HNF1B: variants seen among roughly 807,000 people sequenced by gnomAD.
HNF1B encodes hepatocyte nuclear factor 1-beta.
Under a neutral mutation model 61.7 loss-of-function variants are expected in HNF1B, and 8 were observed. That is an observed-to-expected ratio of 0.13 (90% CI 0.08 to 0.23). HNF1B has a LOEUF of 0.23. HNF1B is among the 10% of genes least tolerant of loss of function. The pLI, the probability that HNF1B is intolerant of heterozygous loss-of-function variation, is 1.00. For synonymous variants in HNF1B, 314 were observed against 287.7 expected, an observed-to-expected ratio of 1.09 and a Z score of -0.93; for missense variants, 562 against 714.5, an observed-to-expected ratio of 0.79 and a Z score of 2.43.
rs1166825540 is a variant in HNF1B, at chr17:37,710,629, G to A, written c.1080C>T (p.Ile360=). Residue 360 remains isoleucine (I), a synonymous_variant, in exon 5 of 9, where the codon ATC becomes ATT. Coordinates refer to ENST00000617811, the MANE Select transcript of HNF1B (RefSeq NM_000458.4). ...GGTGACTGATTGTTGAGGAGGAAGT[G>A]ATCTCATTGTTTCCCTGCTGGCTGT... ...VRYSQQGNNE[I]TSSSTISHHG... The A allele has an allele frequency of 3.1e-6, 5 of 1,613,988 alleles. No individual in the cohort carries two copies. The highest frequency in any genetic ancestry group is 4.2e-6 in the Non-Finnish European group (5 of 1,180,006).
At chr17:37,688,421 A>ACACACACACACT (rs1491325033) in intron 8 of HNF1B, among the ~76,000 whole-genome samples, 2 of 150,018 alleles carry the variant, frequency 1.3e-5, no homozygotes, top group African/African-American at 2.5e-5. Context: ...ACACACACAC[A>ACACACACACACT]CTTACACCTA....
intron 4 of HNF1B, among the ~76,000 whole-genome samples, chr17:37,726,869 C>A (rs2033516121): frequency 6.6e-6 from 1 of 152,136 alleles, no homozygotes; most frequent in African/African-American, 2.4e-5. Context: ...CACTTTCTTT[C>A]CAGGAGAATA....
rs2033763211 is a variant in HNF1B, at chr17:37,733,915, A to T, written c.545-94T>A. On this transcript the variant is annotated intron_variant, in intron 2 of 8. Coordinates refer to ENST00000617811, the MANE Select transcript of HNF1B (RefSeq NM_000458.4). ...ACAGACAACGGACGAAGACACCTTT[A>T]TTCCCCTCGTCTAACTAAGCTTTGC... 6 of 1,438,664 alleles carry T rather than the reference A, an allele frequency of 4.2e-6. No homozygotes were observed. The East Asian group carries it at 1.4e-4, about 33-fold the overall frequency. The allele number at this position is 1,438,664 out of a possible 1,614,324, so 89.1% of individuals were successfully genotyped here.
intron 4 of HNF1B, among the ~76,000 whole-genome samples, chr17:37,728,368 G>A (rs1241997427): frequency 6.8e-6 from 1 of 147,682 alleles, no homozygotes; most frequent in Non-Finnish European, 1.5e-5. Flanking sequence ...GTGCAGTGGC[G>A]TGATCTCTGC....
chr17:37,724,445 G>A (rs1028295185), intron 4 of HNF1B, among the ~76,000 whole-genome samples: 1 of 152,116 alleles, frequency 6.6e-6, no homozygotes, highest in African/African-American at 2.4e-5. Context: ...TCTAAAGTGT[G>A]GCCACATTTG....
chr17:37,692,473 G>A (rs555340913), intron 8 of HNF1B, among the ~76,000 whole-genome samples: 1 of 152,186 alleles, frequency 6.6e-6, no homozygotes, highest in African/African-American at 2.4e-5. Context: ...TCAGTTTTCT[G>A]CTTTGTAAAT....
intron 4 of HNF1B, among the ~76,000 whole-genome samples, chr17:37,726,154 G>GTGTGTGTGTGTGTT (rs889399141): frequency 1.3e-5 from 2 of 151,924 alleles, no homozygotes; most frequent in South Asian, 2.1e-4. Context: ...GTGTGTGTGT[G>GTGTGTGTGTGTGTT]TGTCTTTCTC....
intron 8 of HNF1B, among the ~76,000 whole-genome samples, chr17:37,695,536 C>A (rs906022729): frequency 6.6e-6 from 1 of 152,208 alleles, no homozygotes; most frequent in Non-Finnish European, 1.5e-5. Context: ...AATGGGCCTG[C>A]CACCCTCTAG....
At chr17:37,739,708 G>T (rs1410331421) in intron 1 of HNF1B, 69 bp from the exon 2 acceptor site, 2 of 1,358,776 alleles carry the variant, frequency 1.5e-6, no homozygotes, top group East Asian at 2.5e-5. Context: ...TTTTTCTAGG[G>T]GGTGCTACCT....
At chr17:37,731,196 C>T (rs2033669655) in intron 4 of HNF1B, 1 of 320,270 alleles carries the variant, frequency 3.1e-6, no homozygotes, top group Admixed American at 4.2e-5. Context: ...GAGGAGGTGG[C>T]CGGAGTGCCA....
rs533489657 is a variant in HNF1B, at chr17:37,744,758, G to C, written c.127C>G (p.Leu43Val). 7 of 1,613,514 alleles carry C rather than the reference G, an allele frequency of 4.3e-6. No homozygotes were observed. The African/African-American group carries it at 5.3e-5, about 12-fold the overall frequency. The change falls in exon 1 of 9, where the codon CTG (leucine) becomes GTG (valine). Residue 43 changes from leucine (L) to valine (V), a missense_variant. This residue lies in a region of HNF1B where 148 missense variants were observed against 147.3 expected (regional missense o/e 1.00). Transcript: ENST00000617811. ...CCAGGGGACAGGGGCAGCGTCTCCA[G>C]CTTCACCCCGAAGTTCGGGGATGGC... is the stretch of plus-strand genomic sequence containing the variant. ...LLPSPNFGVKLETLPLSPGSG... is the reference protein window; with the variant it reads ...LLPSPNFGVKVETLPLSPGSG...
chr17:37,697,082 C>T (rs941532085), intron 8 of HNF1B, among the ~76,000 whole-genome samples: 3 of 152,178 alleles, frequency 2.0e-5, no homozygotes, highest in Non-Finnish European at 4.4e-5. Context: ...GAGTCAAAGA[C>T]CAAAGCCTGA....
At chr17:37,696,134 G>A (rs908043884) in intron 8 of HNF1B, among the ~76,000 whole-genome samples, 5 of 152,186 alleles carry the variant, frequency 3.3e-5, no homozygotes, top group South Asian at 2.1e-4. Context: ...GTTAGTTCAC[G>A]TGAGATCTGG....
intron 4 of HNF1B, among the ~76,000 whole-genome samples, chr17:37,723,251 G>A (rs2033381850): frequency 6.6e-6 from 1 of 151,990 alleles, no homozygotes. Context: ...GGAGGCTGAG[G>A]CCGGAGAATG....
At chr17:37,700,294 G>A (rs2032522417) in intron 7 of HNF1B, among the ~76,000 whole-genome samples, 1 of 152,234 alleles carries the variant, frequency 6.6e-6, no homozygotes, top group Admixed American at 6.5e-5. Context: ...ATGAAAGGCA[G>A]AGAAACAGAG....
rs139107479 is a variant in HNF1B at position 37,744,812 on chromosome 17, C to A, written c.73G>T (p.Val25Leu). 3,388 of 1,613,566 alleles carry A rather than the reference C, an allele frequency of 2.1e-3. 81 individuals carry two copies. The South Asian group carries it at 0.034, about 16-fold the overall frequency. ...ALLSSGVTKE[V>L]LVQALEELLP... ...AACTCCTCCAAGGCCTGAACCAGCACCTCCTTGGTGACCCCGGAGCTCAGC... is the reference window on the plus strand; with the variant it reads ...AACTCCTCCAAGGCCTGAACCAGCAACTCCTTGGTGACCCCGGAGCTCAGC... Residue 25 changes from valine (V) to leucine (L), a missense_variant, in exon 1 of 9, where the codon GTG becomes TTG. Val to Leu is a conservative substitution (Grantham distance 32). Around this residue, in one of 6 missense-constraint regions of HNF1B, gnomAD observed 148 missense variants for 147.3 expected, o/e 1.00. Transcript: ENST00000617811.
At chr17:37,739,979 T>C (rs61612821) in intron 1 of HNF1B, among the ~76,000 whole-genome samples, 15,162 of 152,050 alleles carry the variant, frequency 0.1, 942 homozygotes, top group Non-Finnish European at 0.14. Context: ...TATTATTATT[T>C]TTTTTGATGT....
In HNF1B at chr17:37,716,842, A is replaced by ATCTCTCTCTCTC. The variant is rs55634127; in HGVS notation, c.1046-6191_1046-6180dup. Reference sequence around the variant, plus strand: ...GCACCAGCCTCTAGACACTTTAACAATCTCTCTCTCTCTCTCTCTCTCTCT... The same window carrying ATCTCTCTCTCTC: ...GCACCAGCCTCTAGACACTTTAACAATCTCTCTCTCTCTCTCTCTCTCTCTCTCTCTCTCTCT... On this transcript the variant is annotated intron_variant, in intron 4 of 8. Transcript: ENST00000617811. 1.6e-3 allele frequency among the ~76,000 whole-genome samples: 210 copies of ATCTCTCTCTCTC among 131,264 alleles called. 5 individuals are homozygous for ATCTCTCTCTCTC. Among genetic ancestry groups the ATCTCTCTCTCTC allele is most frequent in the African/African-American group, 3.0e-3 (106 of 35,628 alleles). 86.1% of individuals were successfully genotyped at this position (131,264 alleles called of 152,430 possible).
At chr17:37,742,585 G>A (rs1009869385) in intron 1 of HNF1B, among the ~76,000 whole-genome samples, 1 of 152,188 alleles carries the variant, frequency 6.6e-6, no homozygotes, top group Non-Finnish European at 1.5e-5. Context: ...GGCAGCACCC[G>A]CTCGGGACGG....
Sources: gnomAD v4.1 joint callset for allele counts (sites outside exome capture counted in the v4.1 genomes callset) on GRCh38, gnomAD v4.1.1 for gene constraint, gnomAD v4.1.1 regional missense constraint, MANE v1.5 for transcripts, NCBI Gene and HGNC (gene_info 2026-07-23, HGNC 2026-07-21) for gene names.